Variants in SPAG16 observed in about 807,000 individuals in gnomAD.
SPAG16 encodes sperm associated antigen 16.
In SPAG16, 86 loss-of-function variants were observed where a neutral mutation model predicts 80.4. That is an observed-to-expected ratio of 1.07 (90% CI 0.90 to 1.28). SPAG16 has a LOEUF of 1.28. SPAG16 is among the 50% of genes most tolerant of loss of function. The pLI, the probability that SPAG16 is intolerant of heterozygous loss-of-function variation, is 0.00. For missense variants in SPAG16, 870 were observed against 765.3 expected (o/e 1.14, Z -1.61); for synonymous variants, 294 against 265.9 (o/e 1.11, Z -1.03).
At chr2:213,681,406 G>T (rs1054394573) in intron 10 of SPAG16, among the ~76,000 whole-genome samples, 2 of 152,122 alleles carry the variant, frequency 1.3e-5, no homozygotes, top group East Asian at 3.9e-4. Context: ...TCAGAACTTA[G>T]TCCTCATAAT....
At chr2:213,713,279 G>C (rs2066086542) in intron 10 of SPAG16, among the ~76,000 whole-genome samples, 1 of 152,182 alleles carries the variant, frequency 6.6e-6, no homozygotes, top group East Asian at 1.9e-4. Context: ...CTTCTTGTGA[G>C]GCAGGGGATG....
intron 10 of SPAG16, among the ~76,000 whole-genome samples, chr2:213,704,040 GC>G (rs1487323048): frequency 6.6e-6 from 1 of 152,164 alleles, no homozygotes; most frequent in Non-Finnish European, 1.5e-5. Flanking sequence ...AGATGAGAGT[GC>G]CCCATCCCCT....
chr2:213,853,662 C>G (rs779538015), intron 10 of SPAG16, among the ~76,000 whole-genome samples: 5 of 151,976 alleles, frequency 3.3e-5, no homozygotes, highest in Non-Finnish European at 7.4e-5. Context: ...TGTGACAGAG[C>G]CTTTATTTTT....
intron 12 of SPAG16, among the ~76,000 whole-genome samples, chr2:213,935,315 T>C (rs971878789): frequency 6.6e-6 from 1 of 152,162 alleles, no homozygotes; most frequent in African/African-American, 2.4e-5. Context: ...ATGAATACTT[T>C]TCAGGTGATA....
At chr2:213,853,322 TAC>T (rs1475403361) in intron 10 of SPAG16, among the ~76,000 whole-genome samples, 1 of 152,208 alleles carries the variant, frequency 6.6e-6, no homozygotes, top group African/African-American at 2.4e-5. Flanking sequence ...ACCATACACC[TAC>T]ACACACTCCC....
intron 10 of SPAG16, among the ~76,000 whole-genome samples, chr2:213,524,207 C>G (rs2075793526): frequency 6.6e-6 from 1 of 152,190 alleles, no homozygotes; most frequent in African/African-American, 2.4e-5. Context: ...GATTCAAGCC[C>G]AAGCCTTGGC....
rs1411323005 is a variant in SPAG16, at chr2:213,310,126, T to G, written c.347T>G (p.Phe116Cys). 1.9e-6 allele frequency: 3 copies of G among 1,612,084 alleles called. No individual in the cohort carries two copies. The highest frequency in any genetic ancestry group is 2.5e-6 in the Non-Finnish European group (3 of 1,178,802). ...GTAATAGAAGACTTTCTCTGCAATT[T>G]CTTGATCAAAATGGGAATGACCAGA... ...PEVIEDFLCN[F>C]LIKMGMTRTL... Residue 116 changes from phenylalanine to cysteine, a missense_variant, in exon 4 of 16, where the codon TTC (phenylalanine) becomes TGC (cysteine). Transcript: ENST00000331683.
rs79357991 is a variant in SPAG16, at chr2:213,341,220, C to T, written c.644+950C>T. On this transcript the variant is annotated intron_variant, in intron 6 of 15. Coordinates refer to ENST00000331683, the MANE Select transcript of SPAG16 (RefSeq NM_024532.5). ...ACAATCTGGATGAATCACTAAAGCTCATTTTATAAAGACCTAAAACAAAAC... is the reference window on the plus strand; with the variant it reads ...ACAATCTGGATGAATCACTAAAGCTTATTTTATAAAGACCTAAAACAAAAC... Among the ~76,000 whole-genome samples, 1,334 of 152,220 alleles carry T rather than the reference C, an allele frequency of 8.8e-3. 15 individuals carry two copies. Among genetic ancestry groups the T allele is most frequent in the African/African-American group, 0.029 (1,223 of 41,528 alleles).
intron 15 of SPAG16, among the ~76,000 whole-genome samples, chr2:214,397,138 T>C (rs949030364): frequency 6.7e-6 from 1 of 149,588 alleles, no homozygotes; most frequent in Non-Finnish European, 1.5e-5. Flanking sequence ...AGCTTGAATT[T>C]ATATAAATTT....
intron 14 of SPAG16, among the ~76,000 whole-genome samples, chr2:214,147,497 G>A (rs2055711712): frequency 6.6e-6 from 1 of 152,062 alleles, no homozygotes; most frequent in South Asian, 2.1e-4. Context: ...TACCTACTCT[G>A]TTCCCAAAAT....
In SPAG16 at chr2:214,168,958, A is replaced by T. The variant is rs1233638402; in HGVS notation, c.1720+19692A>T. ...CTCACCAGCAGGATTTTGTGTATGG[A>T]ATACTACAATTAAACATTGAATTAA... On this transcript the variant is annotated intron_variant, in intron 15 of 15. Coordinates refer to ENST00000331683, the MANE Select transcript of SPAG16 (RefSeq NM_024532.5). Among the ~76,000 whole-genome samples, 6 of 152,126 alleles carry T rather than the reference A, an allele frequency of 3.9e-5. No homozygotes were observed. In the East Asian group the frequency reaches 1.2e-3, roughly 29 times the overall value.
chr2:213,409,013 A>C (rs2068814343), intron 9 of SPAG16, among the ~76,000 whole-genome samples: 1 of 152,044 alleles, frequency 6.6e-6, no homozygotes, highest in East Asian at 1.9e-4. Flanking sequence ...TTCGCTTTGA[A>C]AAAGAATGGT....
intron 11 of SPAG16, among the ~76,000 whole-genome samples, chr2:213,900,234 A>C (rs2077163252): frequency 6.6e-6 from 1 of 152,120 alleles, no homozygotes; most frequent in Non-Finnish European, 1.5e-5. Flanking sequence ...CAGATGCATC[A>C]CAGGGGGGAT....
chr2:214,350,431 T>A (rs1698319637), intron 15 of SPAG16, among the ~76,000 whole-genome samples: 1 of 152,238 alleles, frequency 6.6e-6, no homozygotes, highest in African/African-American at 2.4e-5. Flanking sequence ...GTTCTAGAAT[T>A]TTCCTGTCTA....
intron 9 of SPAG16, among the ~76,000 whole-genome samples, chr2:213,468,692 G>A (rs1377684578): frequency 1.4e-5 from 2 of 147,426 alleles, no homozygotes; most frequent in Admixed American, 1.4e-4. Context: ...GTGTGTATAT[G>A]TGTGTATATA....
chr2:213,702,443 C>T (rs1020065105), intron 10 of SPAG16, among the ~76,000 whole-genome samples: 4 of 152,194 alleles, frequency 2.6e-5, no homozygotes, highest in African/African-American at 9.7e-5. Flanking sequence ...TGCACCTTCA[C>T]TTCTGAGGCC....
intron 15 of SPAG16, among the ~76,000 whole-genome samples, chr2:214,292,689 A>G (rs1693882143): frequency 6.6e-6 from 1 of 152,130 alleles, no homozygotes; most frequent in African/African-American, 2.4e-5. Context: ...AGAAAATTAT[A>G]TTTTTGGGAG....
intron 13 of SPAG16, among the ~76,000 whole-genome samples, chr2:214,037,473 T>C (rs1036376686): frequency 9.2e-5 from 14 of 152,088 alleles, no homozygotes; most frequent in Non-Finnish European, 1.8e-4. Flanking sequence ...GCCCAATGAA[T>C]GTTTGAGAAG....
chr2:214,212,236 G>C (rs1052368907), intron 15 of SPAG16, among the ~76,000 whole-genome samples: 1 of 151,758 alleles, frequency 6.6e-6, no homozygotes, highest in Non-Finnish European at 1.5e-5. Context: ...CTCAGACATG[G>C]CAAGCTTTCC....
Sources: gnomAD v4.1 joint callset for allele counts (sites outside exome capture counted in the v4.1 genomes callset) on GRCh38, gnomAD v4.1.1 for gene constraint, MANE v1.5 for transcripts, NCBI Gene and HGNC (gene_info 2026-07-23, HGNC 2026-07-21) for gene names.